Variants in PEG3 observed in about 807,000 individuals in gnomAD.
PEG3 encodes paternally-expressed gene 3 protein.
A neutral mutation model predicts 35.5 loss-of-function variants in PEG3; 23 were observed. That is an observed-to-expected ratio of 0.65 (90% CI 0.47 to 0.92). The LOEUF (loss-of-function observed/expected upper bound fraction) is 0.92. Ranked by LOEUF, PEG3 falls within the 40% of genes least tolerant of loss-of-function variation. The probability of loss-of-function intolerance (pLI) is 0.00; values close to 1 mark genes in which losing one functional copy is unlikely to be tolerated. For missense variants in PEG3, 1,960 were observed against 1,985.3 expected (o/e 0.99, Z 0.24); for synonymous variants, 707 against 697.0 (o/e 1.01, Z -0.23).
At chr19:56,826,176 C>A (rs1371577548) in intron 3 of PEG3, among the ~76,000 whole-genome samples, 1 of 152,180 alleles carries the variant, frequency 6.6e-6, no homozygotes, top group Non-Finnish European at 1.5e-5. Context: ...ACCAGAGAGT[C>A]CAGGCTCCAG....
intron 1 of PEG3, among the ~76,000 whole-genome samples, chr19:56,837,083 C>T (rs939792748): frequency 6.6e-5 from 10 of 151,958 alleles, no homozygotes; most frequent in African/African-American, 2.4e-4. Flanking sequence ...CTTAAGATCT[C>T]CTTGGGTGGA....
chr19:56,815,293 T>C lies in PEG3; in HGVS notation c.3149A>G (p.Gln1050Arg), dbSNP rs757313044. ...AGACTTCTCTTGGTCATAGATTTTCTGGTTTGTGTTGAGGTCTTCGCTGGT... is the reference window on the plus strand; with the variant it reads ...AGACTTCTCTTGGTCATAGATTTTCCGGTTTGTGTTGAGGTCTTCGCTGGT... ...FATSEDLNTNQKIYDQEKSHG... is the reference protein window; with the variant it reads ...FATSEDLNTNRKIYDQEKSHG... Residue 1050 changes from glutamine to arginine, a missense_variant, in exon 10 of 10, where the codon CAG becomes CGG. Physicochemically the swap from Gln to Arg is conservative, Grantham distance 43. Transcript: ENST00000326441. 2.2e-5 allele frequency: 36 copies of C among 1,614,138 alleles called. No individual in the cohort carries two copies. Among genetic ancestry groups the C allele is most frequent in the Non-Finnish European group, 2.9e-5 (34 of 1,180,052 alleles).
In PEG3 at chr19:56,817,298, C is replaced by T. The variant is rs2060067943; in HGVS notation, c.1144G>A (p.Val382Ile). Residue 382 changes from valine to isoleucine, a missense_variant, in exon 10 of 10, where the codon GTT becomes ATT. By Grantham distance (29) the Val-to-Ile change is conservative (BLOSUM62 3). Around this residue, in one of 5 missense-constraint regions of PEG3, gnomAD observed 613 missense variants for 577.1 expected, o/e 1.06. Transcript: ENST00000326441. ...RGGFRFNSTL[V>I]SRKRVLERKR... ...CTTTCAAGAACTCTCTTTCTGGAAA[C>T]AAGGGTTGAATTAAACCTAAAGCCT... 6.2e-7 allele frequency: 1 copy of T among 1,614,032 alleles called. No individual in the cohort carries two copies. Among genetic ancestry groups the T allele is most frequent in the South Asian group, 1.1e-5 (1 of 91,076 alleles).
chr19:56,817,648 G>T, intron 9 of PEG3, 69 bp from the exon 10 acceptor site: 1 of 1,503,644 alleles, frequency 6.7e-7, no homozygotes, highest in Non-Finnish European at 9.2e-7. Flanking sequence ...TTGGAGGGGT[G>T]CACCCTTCTG....
chr19:56,817,162 C>A lies in PEG3; in HGVS notation c.1280G>T (p.Ser427Ile). 1 of 1,614,214 alleles carries A rather than the reference C, an allele frequency of 6.2e-7. No individual in the cohort carries two copies. Among genetic ancestry groups the A allele is most frequent in the Non-Finnish European group, 8.5e-7 (1 of 1,180,036 alleles). ...ECGSEMRKAM[S>I]VSSLSSLSSP... is the part of the protein sequence containing the mutation. ...GCTGAGGCTGCTCAGGCTGCTCACGCTCATGGCTTTTCTCATCTCACTACC... is the reference window on the plus strand; with the variant it reads ...GCTGAGGCTGCTCAGGCTGCTCACGATCATGGCTTTTCTCATCTCACTACC... Residue 427 changes from serine to isoleucine, a missense_variant, in exon 10 of 10, where the codon AGC becomes ATC. By Grantham distance (142) the Ser-to-Ile change is moderately radical. Around this residue, in one of 5 missense-constraint regions of PEG3, gnomAD observed 613 missense variants for 577.1 expected, o/e 1.06. Coordinates refer to ENST00000326441, the MANE Select transcript of PEG3 (RefSeq NM_006210.3).
At position 56,815,217 on chromosome 19, in the gene PEG3, G is replaced by T; in HGVS notation, c.3225C>A (p.Ser1075Arg). The stretch of plus-strand genomic sequence containing the variant: ...TTGTCTCCTGACCATGGGTCTCCTC[G>T]CTGTGGGTCTCCTCCCCATCAGTAT... ...GENTDGEETHSEETHGQETIE... is the reference protein window; with the variant it reads ...GENTDGEETHREETHGQETIE... Residue 1075 changes from serine (S) to arginine (R), a missense_variant, in exon 10 of 10, where the codon AGC becomes AGA. Ser to Arg is a moderately radical substitution (Grantham distance 110). This residue lies in a region of PEG3 where 798 missense variants were observed against 782.4 expected (regional missense o/e 1.02). Transcript: ENST00000326441. The T allele has an allele frequency of 6.2e-7, 1 of 1,613,808 alleles. No individual in the cohort carries two copies. The highest frequency in any genetic ancestry group is 8.5e-7 in the Non-Finnish European group (1 of 1,179,772).
At position 56,820,427 on chromosome 19, in the gene PEG3, G is replaced by A. The variant is rs561078620; in HGVS notation, c.669+1224C>T. 2.0e-5 allele frequency among the ~76,000 whole-genome samples: 3 copies of A among 152,252 alleles called. No individual in the cohort carries two copies. In the South Asian group the frequency reaches 6.2e-4, roughly 32 times the overall value. On this transcript the variant is annotated intron_variant, in intron 7 of 9. Coordinates refer to ENST00000326441, the MANE Select transcript of PEG3 (RefSeq NM_006210.3). The stretch of plus-strand genomic sequence containing the variant: ...CAATTCTTCACACATTGTCAAGGAA[G>A]GGCATTTAAAAAGCAAAACAAGACA...
intron 2 of PEG3, among the ~76,000 whole-genome samples, chr19:56,831,401 C>T (rs1198807195): frequency 2.6e-5 from 4 of 152,142 alleles, no homozygotes; most frequent in South Asian, 2.1e-4. Flanking sequence ...ATGACAGGAC[C>T]GCTAATACCT....
intron 3 of PEG3, among the ~76,000 whole-genome samples, chr19:56,826,152 A>T (rs1044849900): frequency 4.5e-4 from 68 of 152,192 alleles, no homozygotes; most frequent in African/African-American, 1.6e-3. Flanking sequence ...TCCCAAAGCA[A>T]GGGAAGGCAA....
rs1166283972 is a variant in PEG3 at position 56,814,052 on chromosome 19, T to C, written c.4390A>G (p.Arg1464Gly). ...GCTTTTCCCTCTGGCTCTTCAGCTC[T>C]TTCTTCTGGGTCTTCAATACCTGCA... is the stretch of plus-strand genomic sequence containing the variant. ...DGAGIEDPEERAEEPEGKAEE... is the reference protein window; with the variant it reads ...DGAGIEDPEEGAEEPEGKAEE... Residue 1464 changes from arginine to glycine, a missense_variant, in exon 10 of 10, where the codon AGA becomes GGA. Transcript: ENST00000326441. This position sits in a 1 kb window ranked among gnomAD's most constrained non-coding sequence, Gnocchi z 5.8. 1.2e-6 allele frequency: 2 copies of C among 1,614,142 alleles called. No homozygotes were observed. Among genetic ancestry groups the C allele is most frequent in the Non-Finnish European group, 1.7e-6 (2 of 1,180,036 alleles).
Position 56,813,594 on chromosome 19 carries a change from A to G in PEG3, c.*81T>C, listed in dbSNP as rs1410602737. On this transcript the variant is annotated 3_prime_UTR_variant, in exon 10 of 10. Coordinates refer to ENST00000326441, the MANE Select transcript of PEG3 (RefSeq NM_006210.3). ...TAAGGTTAAGTCTCCTACTGACATT[A>G]TCATGGATTGGTTTGGATTCTCTGT... 1.7e-5 allele frequency: 26 copies of G among 1,506,870 alleles called. 1 individual carries two copies. Among genetic ancestry groups the G allele is most frequent in the South Asian group, 2.6e-5 (2 of 75,830 alleles). The allele number at this position is 1,506,870 out of a possible 1,614,324, so 93.3% of individuals were successfully genotyped here.
At chr19:56,818,889 T>G (rs1568654262) in intron 7 of PEG3, among the ~76,000 whole-genome samples, 187 bp from the exon 8 acceptor site, 1 of 152,210 alleles carries the variant, frequency 6.6e-6, no homozygotes, top group Non-Finnish European at 1.5e-5. Flanking sequence ...GGTGCTACAC[T>G]CTGAGGCAGA....
At position 56,812,504 on chromosome 19, in the gene PEG3, AAGGATACT is replaced by A. The variant is rs2146099426; in HGVS notation, c.*1163_*1170del. Reference sequence around the variant, plus strand: ...AATTAAGTTAGCGATAGAAAGATCTAAGGATACTAGCTCCTGGGCACCTAGGGTGCAAA... The same window carrying A: ...AATTAAGTTAGCGATAGAAAGATCTAAGCTCCTGGGCACCTAGGGTGCAAA... On this transcript the variant is annotated 3_prime_UTR_variant, in exon 10 of 10. Coordinates refer to ENST00000326441, the MANE Select transcript of PEG3 (RefSeq NM_006210.3). 1.0e-6 allele frequency: 1 copy of A among 985,554 alleles called. No individual in the cohort carries two copies. The highest frequency in any genetic ancestry group is 4.7e-5 in the South Asian group (1 of 21,278). The allele number at this position is 985,554 out of a possible 1,614,324, so 61.1% of individuals were successfully genotyped here.
intron 1 of PEG3, among the ~76,000 whole-genome samples, chr19:56,839,774 G>C (rs1261211262): frequency 1.3e-5 from 2 of 151,822 alleles, no homozygotes; most frequent in South Asian, 2.1e-4. Flanking sequence ...CCAGAACAGC[G>C]CCTGCGCGGC....
In PEG3 at chr19:56,814,141, C is replaced by T. The variant is rs55939376; in HGVS notation, c.4301G>A (p.Gly1434Glu). Residue 1434 changes from glycine to glutamate, a missense_variant, in exon 10 of 10, where the codon GGA becomes GAA. By Grantham distance (98) the Gly-to-Glu change is moderately conservative. Transcript: ENST00000326441. The surrounding 1 kb of genome is among the most constrained non-coding windows in gnomAD (Gnocchi z 5.8). ...CTCTCCATTTGGCTGTCCAGCCTCT[C>T]CAATGGGCTCTGCAGCCTCTCCATC... The part of the protein sequence containing the change: ...GPDGEAAEPI[G>E]EAGQPNGEAE... The T allele has an allele frequency of 8.5e-5, 137 of 1,614,148 alleles. No individual in the cohort carries two copies. The highest frequency in any genetic ancestry group is 3.3e-4 in the Middle Eastern group (2 of 6,062).
intron 8 of PEG3, among the ~76,000 whole-genome samples, chr19:56,818,285 A>G (rs952797724): frequency 6.6e-6 from 1 of 152,192 alleles, no homozygotes; most frequent in Non-Finnish European, 1.5e-5. Flanking sequence ...ATGGGAACTC[A>G]GGATCCCATC....
chr19:56,828,682 A>G (rs2061290455), intron 2 of PEG3, among the ~76,000 whole-genome samples: 1 of 152,218 alleles, frequency 6.6e-6, no homozygotes, highest in African/African-American at 2.4e-5. Context: ...ATGACAGTTA[A>G]TGTTTGAAAT....
At chr19:56,818,266 A>G (rs777224019) in intron 8 of PEG3, among the ~76,000 whole-genome samples, 1 of 152,172 alleles carries the variant, frequency 6.6e-6, no homozygotes, top group Non-Finnish European at 1.5e-5. Context: ...GTCTTCCAGG[A>G]AAGTCCACAT....
chr19:56,815,451 A>G lies in PEG3; in HGVS notation c.2991T>C (p.Ser997=), dbSNP rs2059892064. 6.2e-7 allele frequency: 1 copy of G among 1,614,164 alleles called. No homozygotes were observed. Among genetic ancestry groups the G allele is most frequent in the South Asian group, 1.1e-5 (1 of 91,084 alleles). Residue 997 remains serine, a synonymous_variant, in exon 10 of 10, where the codon TCT becomes TCC. Transcript: ENST00000326441. ...CAGACCATTCATAGTTTCTGCTTCCAGAGGGCTTCTCCCTATCATGAATCT... is the reference window on the plus strand; with the variant it reads ...CAGACCATTCATAGTTTCTGCTTCCGGAGGGCTTCTCCCTATCATGAATCT... ...HQKIHDREKP[S]GSRNYEWSVI...
Sources: gnomAD v4.1 joint callset for allele counts (sites outside exome capture counted in the v4.1 genomes callset) on GRCh38, gnomAD v4.1.1 for gene constraint, gnomAD v4.1.1 regional missense constraint, Gnocchi (gnomAD v3.1) non-coding constraint, MANE v1.5 for transcripts, NCBI Gene and HGNC (gene_info 2026-07-23, HGNC 2026-07-21) for gene names.